Variants in PDE4DIP observed in about 807,000 individuals in gnomAD.
PDE4DIP encodes the protein myomegalin.
PDE4DIP carries 59 observed loss-of-function variants against 221.4 expected under a neutral mutation model. The ratio of observed to expected loss-of-function variants is 0.27; its 90% CI spans 0.22 to 0.33. The LOEUF (loss-of-function observed/expected upper bound fraction) is 0.33. PDE4DIP is among the 10% of genes least tolerant of loss of function. PDE4DIP has a pLI of 1.00. For synonymous variants in PDE4DIP, 404 were observed against 815.9 expected (o/e 0.50, Z 8.60); for missense variants, 1,036 against 2,154.2 (o/e 0.48, Z 10.28).
intron 1 of PDE4DIP, among the ~76,000 whole-genome samples, chr1:148,922,660 G>C (rs57384656): frequency 2.7e-5 from 4 of 147,340 alleles, no homozygotes; most frequent in African/African-American, 1.0e-4. Context: ...CGATCTCAGC[G>C]CATTGCAAGC....
intron 1 of PDE4DIP, among the ~76,000 whole-genome samples, chr1:148,907,043 C>T (rs1236319934): frequency 1.3e-5 from 2 of 151,418 alleles, no homozygotes; most frequent in Non-Finnish European, 2.9e-5. Context: ...GAGTGAAACT[C>T]CATCTCAAAA....
In PDE4DIP at chr1:148,953,074, G is replaced by A. The variant is rs782201069; in HGVS notation, c.637-7580G>A. 9.3e-6 allele frequency: 15 copies of A among 1,614,092 alleles called. 1 individual carries two copies. In the Admixed American group the frequency reaches 2.3e-4, roughly 25 times the overall value. On this transcript the variant is annotated intron_variant, in intron 5 of 43. Transcript: ENST00000369354. ...AGTTCTGCATTGCCAGTATGTATCG[G>A]AAGAATAACGATGACTCTGGCGCGG... is the stretch of plus-strand genomic sequence containing the variant.
rs75781228 is a variant in PDE4DIP, at chr1:148,892,595, G to A, written c.141+2701G>A. 5.8e-5 allele frequency among the ~76,000 whole-genome samples: 7 copies of A among 120,552 alleles called. 2 individuals are homozygous for A. Among genetic ancestry groups the A allele is most frequent in the East Asian group, 1.0e-3 (2 of 1,998 alleles). The allele number at this position is 120,552 out of a possible 152,430, so 79.1% of individuals were successfully genotyped here. A position where few individuals can be genotyped will look rare whatever the true frequency, so the allele number is the denominator to read the frequency against. Reference sequence around the variant, plus strand: ...TGGCCCTGTCTCTATCTAGTCTTACGTGTTAGCAGAGTTGTCAGGCAGCTA... The same window carrying A: ...TGGCCCTGTCTCTATCTAGTCTTACATGTTAGCAGAGTTGTCAGGCAGCTA... On this transcript the variant is annotated intron_variant, in intron 1 of 43. Coordinates refer to ENST00000369354, the Ensembl canonical transcript of PDE4DIP.
At chr1:148,960,244 G>A (rs1368211775) in intron 5 of PDE4DIP, among the ~76,000 whole-genome samples, 11 of 152,240 alleles carry the variant, frequency 7.2e-5, no homozygotes, top group African/African-American at 2.4e-4. Context: ...AAAGGTAGCC[G>A]GAATGTAACT....
At chr1:148,979,432 T>C (rs1360030023) in intron 19 of PDE4DIP, among the ~76,000 whole-genome samples, 8 of 152,204 alleles carry the variant, frequency 5.3e-5, no homozygotes, top group African/African-American at 1.7e-4. Flanking sequence ...AGTCCTATTA[T>C]ATACATTTCC....
chr1:148,982,580 A>G (rs1253272609), intron 21 of PDE4DIP: 1 of 152,204 alleles, frequency 6.6e-6, no homozygotes, highest in African/African-American at 2.4e-5. Flanking sequence ...TTGAATGTCA[A>G]GTGTGAAAAG....
intron 14 of PDE4DIP, among the ~76,000 whole-genome samples, chr1:148,969,886 A>G (rs2151948211): frequency 6.6e-6 from 1 of 152,162 alleles, no homozygotes; most frequent in African/African-American, 2.4e-5. Flanking sequence ...TTGTATTTTT[A>G]GTAGAGATGG....
chr1:148,971,158 T>G (rs1553526362), intron 14 of PDE4DIP, among the ~76,000 whole-genome samples: 1 of 151,828 alleles, frequency 6.6e-6, no homozygotes, highest in Non-Finnish European at 1.5e-5. Context: ...ACAAGCTGAG[T>G]TGGGTGATTT....
Position 149,029,916 on chromosome 1 carries a change from G to A in PDE4DIP, c.6943G>A (p.Val2315Ile), listed in dbSNP as rs782066980. The A allele has an allele frequency of 3.3e-3, 4,636 of 1,416,286 alleles. 27 individuals carry two copies. Among genetic ancestry groups the A allele is most frequent in the Non-Finnish European group, 3.5e-3 (3,545 of 1,017,252 alleles). 87.7% of individuals were successfully genotyped at this position (1,416,286 alleles called of 1,614,324 possible). Residue 2315 changes from valine (V) to isoleucine (I), a missense_variant, in exon 42 of 44, where the codon GTC (valine) becomes ATC (isoleucine). Coordinates refer to ENST00000369354, the Ensembl canonical transcript of PDE4DIP. ...GAAGGAGAGCATGGAGCAGTTCATCGTCAGCCAGCGTAGGTTCCCTGAGAG... is the reference window on the plus strand; with the variant it reads ...GAAGGAGAGCATGGAGCAGTTCATCATCAGCCAGCGTAGGTTCCCTGAGAG...
At chr1:148,946,519 G>T (rs1474603393) in intron 5 of PDE4DIP, among the ~76,000 whole-genome samples, 2 of 142,108 alleles carry the variant, frequency 1.4e-5, no homozygotes, top group African/African-American at 5.2e-5. Context: ...CAGCCTGGGG[G>T]ACAAGAGCAA....
intron 21 of PDE4DIP, chr1:148,989,381 C>T: frequency 1.1e-6 from 1 of 912,698 alleles, no homozygotes; most frequent in Non-Finnish European, 1.4e-6. Context: ...CCGTCGAATT[C>T]CTTATGAAGC....
chr1:148,953,906 G>A (rs2054386307), intron 5 of PDE4DIP: 2 of 1,611,098 alleles, frequency 1.2e-6, no homozygotes, highest in African/African-American at 1.3e-5. Flanking sequence ...CCGGGTCCAG[G>A]TATACAAAAC....
At chr1:148,965,431 A>G (rs587741266) in intron 9 of PDE4DIP, 53 bp from the exon 13 acceptor site, 1 of 936,756 alleles carries the variant, frequency 1.1e-6, no homozygotes, top group East Asian at 2.4e-5. Flanking sequence ...TCTGTATCTA[A>G]TAACCATGTG....
At chr1:148,962,367 A>G (rs1574387973) in intron 8 of PDE4DIP, 61 bp from the exon 12 acceptor site, 2 of 1,481,494 alleles carry the variant, frequency 1.3e-6, no homozygotes, top group East Asian at 4.5e-5. Context: ...TTTTATTTTT[A>G]GTCTTTGTGG....
At chr1:148,978,994 C>G (rs1449663939) in intron 19 of PDE4DIP, among the ~76,000 whole-genome samples, 1 of 150,850 alleles carries the variant, frequency 6.6e-6, no homozygotes, top group African/African-American at 2.4e-5. Flanking sequence ...CTGAATCTTT[C>G]TCTTTTATCT....
chr1:148,948,693 A>AC (rs76000944), intron 5 of PDE4DIP, among the ~76,000 whole-genome samples: 2 of 150,834 alleles, frequency 1.3e-5, no homozygotes, highest in African/African-American at 2.4e-5. Flanking sequence ...GAAATATACT[A>AC]TGTATACAAT....
intron 34 of PDE4DIP, 51 bp downstream of exon 37, chr1:149,017,930 G>C: frequency 6.7e-7 from 1 of 1,498,044 alleles, no homozygotes. Flanking sequence ...GGGACTTTTA[G>C]GCAGAGCTTC....
rs145067181 is a variant in PDE4DIP at position 149,020,309 on chromosome 1, G to A, written c.5933G>A (p.Arg1978His). The A allele has an allele frequency of 1.8e-3, 830 of 463,114 alleles. 1 individual carries two copies. The highest frequency in any genetic ancestry group is 3.4e-3 in the Middle Eastern group (6 of 1,754). 28.7% of individuals were successfully genotyped at this position (463,114 alleles called of 1,614,324 possible). Reference sequence around the variant, plus strand: ...GAGGTCTTGCATTTCAGGGAGGAACGTCTTTCCCTCCAGGAAAACGACTCC... The same window carrying A: ...GAGGTCTTGCATTTCAGGGAGGAACATCTTTCCCTCCAGGAAAACGACTCC... The change falls in exon 36 of 44, where the codon CGT becomes CAT. Residue 1978 changes from arginine to histidine, a missense_variant. Arg to His is a conservative substitution (Grantham distance 29). Transcript: ENST00000369354.
chr1:148,977,858 G>A, intron 17 of PDE4DIP, 79 bp from the exon 21 acceptor site: 1 of 1,566,732 alleles, frequency 6.4e-7, no homozygotes, highest in Non-Finnish European at 8.6e-7. Flanking sequence ...ATTACTGGCT[G>A]ATAGTAATAG....
Sources: gnomAD v4.1 joint callset for allele counts (sites outside exome capture counted in the v4.1 genomes callset) on GRCh38, gnomAD v4.1.1 for gene constraint, MANE v1.5 for transcripts, NCBI Gene and HGNC (gene_info 2026-07-23, HGNC 2026-07-21) for gene names.